CFAP57: variants seen among roughly 807,000 people sequenced by gnomAD.
CFAP57 encodes the protein cilia and flagella associated protein 57.
In CFAP57, 116 loss-of-function variants were observed where a neutral mutation model predicts 146.8. The observed-to-expected ratio is 0.79, with a 90% CI of 0.68 to 0.92. The LOEUF is 0.92. Among genes scored for constraint, CFAP57 ranks in the 40% least tolerant of loss-of-function variants. The probability of loss-of-function intolerance (pLI) is 0.00; values close to 1 mark genes in which losing one functional copy is unlikely to be tolerated. For missense variants in CFAP57, 1,377 were observed against 1,527.2 expected (o/e 0.90, Z 1.64); for synonymous variants, 518 against 552.8 (o/e 0.94, Z 0.88).
intron 2 of CFAP57, among the ~76,000 whole-genome samples, chr1:43,179,278 TATA>T (rs149860494): frequency 6.6e-6 from 1 of 151,748 alleles, no homozygotes; most frequent in Non-Finnish European, 1.5e-5. Context: ...GAACTTAAAG[TATA>T]ATAATAATAA....
chr1:43,217,275 G>A (rs1308499738), intron 12 of CFAP57, among the ~76,000 whole-genome samples: 1 of 152,132 alleles, frequency 6.6e-6, no homozygotes. Flanking sequence ...TTTAAGCTGG[G>A]GAATGACTTA....
In CFAP57 at chr1:43,242,393, C is replaced by T. The variant is rs140606757; in HGVS notation, c.3406-834C>T. On this transcript the variant is annotated intron_variant, in intron 21 of 22. Coordinates refer to ENST00000372492, the MANE Select transcript of CFAP57 (RefSeq NM_001378189.1). Reference sequence around the variant, plus strand: ...TACTCTAGGATTAACATAGTATCTCCATAATATTGGATGACTACATTATAG... The same window carrying T: ...TACTCTAGGATTAACATAGTATCTCTATAATATTGGATGACTACATTATAG... Among the ~76,000 whole-genome samples, 412 of 152,310 alleles carry T rather than the reference C, an allele frequency of 2.7e-3. 2 individuals are homozygous for T. Among genetic ancestry groups the T allele is most frequent in the Non-Finnish European group, 5.2e-3 (354 of 68,024 alleles).
rs376324925 is a variant in CFAP57 at position 43,183,838 on chromosome 1, A to T, written c.722A>T (p.Asn241Ile). 2 of 1,614,064 alleles carry T rather than the reference A, an allele frequency of 1.2e-6. No homozygotes were observed. The highest frequency in any genetic ancestry group is 1.7e-5 in the Admixed American group (1 of 60,002). ...AGCATAATGGTCAAGGAACCTACCA[A>T]TGGCTCAAAGAGCCTGGATGTCATT... ...ETSIMVKEPT[N>I]GSKSLDVIQE... Residue 241 changes from asparagine to isoleucine, a missense_variant, in exon 4 of 23, where the codon AAT becomes ATT. Transcript: ENST00000372492.
Position 43,224,084 on chromosome 1 carries a change from T to C in CFAP57, c.2745T>C (p.Asn915=). The part of the protein sequence containing the change: ...SLQKEIEERT[N]DIETLKGEQM... ...AGAAGGAGATTGAAGAACGAACCAA[T>C]GACATCGAGACCCTAAAAGGAGAGC... The change falls in exon 17 of 23, where the codon AAT becomes AAC. Residue 915 remains asparagine (N), a synonymous_variant. Coordinates refer to ENST00000372492, the MANE Select transcript of CFAP57 (RefSeq NM_001378189.1). The C allele has an allele frequency of 6.4e-7, 1 of 1,550,502 alleles. No individual in the cohort carries two copies. Among genetic ancestry groups the C allele is most frequent in the South Asian group, 1.2e-5 (1 of 84,050 alleles).
At position 43,221,413 on chromosome 1, in the gene CFAP57, T is replaced by G. The variant is rs1159042234; in HGVS notation, c.2289T>G (p.His763Gln). 6.5e-7 allele frequency: 1 copy of G among 1,544,726 alleles called. No individual in the cohort carries two copies. Among genetic ancestry groups the G allele is most frequent in the Non-Finnish European group, 8.7e-7 (1 of 1,143,726 alleles). The change falls in exon 14 of 23, where the codon CAT becomes CAG. Residue 763 changes from histidine (H) to glutamine (Q), a missense_variant. By Grantham distance (24) the His-to-Gln change is conservative (BLOSUM62 0). Transcript: ENST00000372492. ...TEKEKQDVYH[H>Q]EHIEDLLDKQ... ...AAGAGAAGCAGGATGTTTATCACCA[T>G]GAGCACATAGAAGACCTCCTAGACA...
At chr1:43,199,932 A>C (rs1347917620) in intron 9 of CFAP57, among the ~76,000 whole-genome samples, 1 of 152,192 alleles carries the variant, frequency 6.6e-6, no homozygotes, top group East Asian at 1.9e-4. Context: ...AGATGGGCTG[A>C]GATTGGAGAG....
chr1:43,183,528 G>C, intron 3 of CFAP57, 63 bp from the exon 4 acceptor site: 1 of 1,430,808 alleles, frequency 7.0e-7, no homozygotes, highest in Admixed American at 1.7e-5. Context: ...TTGTAAAATG[G>C]GAAATAATTC....
intron 9 of CFAP57, among the ~76,000 whole-genome samples, chr1:43,203,803 T>C (rs1030172224): frequency 4.6e-5 from 7 of 152,222 alleles, no homozygotes; most frequent in African/African-American, 1.4e-4. Context: ...ATTTTGTTTT[T>C]GATGTGTCTG....
At chr1:43,226,852 G>A (rs1054078711) in intron 17 of CFAP57, 131 bp from the exon 18 acceptor site, 1 of 1,024,680 alleles carries the variant, frequency 9.8e-7, no homozygotes, top group African/African-American at 1.6e-5. Context: ...TACTGACGAA[G>A]GGAGGAGAGG....
intron 18 of CFAP57, among the ~76,000 whole-genome samples, chr1:43,227,427 G>A (rs1304209935): frequency 3.9e-5 from 6 of 152,198 alleles, no homozygotes; most frequent in Non-Finnish European, 1.5e-5. Context: ...TGCAGCTATT[G>A]GGCATTTGGC....
At chr1:43,232,372 G>C (rs1645506773) in intron 18 of CFAP57, 136 bp from the exon 19 acceptor site, 1 of 678,254 alleles carries the variant, frequency 1.5e-6, no homozygotes, top group African/African-American at 1.8e-5. Context: ...TTTTGATCCA[G>C]AGGACACAGA....
At chr1:43,183,141 T>C (rs1427486361) in intron 3 of CFAP57, among the ~76,000 whole-genome samples, 1 of 152,212 alleles carries the variant, frequency 6.6e-6, no homozygotes, top group Non-Finnish European at 1.5e-5. Flanking sequence ...CATGATCCCA[T>C]TGTAAGTAGA....
At chr1:43,237,789 G>A (rs983289063) in intron 21 of CFAP57, among the ~76,000 whole-genome samples, 1 of 152,144 alleles carries the variant, frequency 6.6e-6, no homozygotes, top group African/African-American at 2.4e-5. Context: ...GGTGGCTGAG[G>A]GTCATGTTGG....
At chr1:43,175,706 A>G (rs780704854) in intron 2 of CFAP57, among the ~76,000 whole-genome samples, 32 of 151,686 alleles carry the variant, frequency 2.1e-4, no homozygotes, top group Middle Eastern at 6.9e-3. Context: ...GGGTCTGGCT[A>G]TGTTGCTGAG....
rs1045919077 is a variant in CFAP57, at chr1:43,238,796, T to C, written c.3405+4158T>C. Among the ~76,000 whole-genome samples the C allele has an allele frequency of 6.6e-6, 1 of 151,956 alleles. No homozygotes were observed. The highest frequency in any genetic ancestry group is 2.4e-5 in the African/African-American group (1 of 41,360). ...GGGGACAGCAGAGCCTGGAAAGCAGTAGTCACGGAGGAGCAGGGCTCTCTG... is the reference window on the plus strand; with the variant it reads ...GGGGACAGCAGAGCCTGGAAAGCAGCAGTCACGGAGGAGCAGGGCTCTCTG... On this transcript the variant is annotated intron_variant, in intron 21 of 22. Coordinates refer to ENST00000372492, the MANE Select transcript of CFAP57 (RefSeq NM_001378189.1). This position sits in a 1 kb window ranked among gnomAD's most constrained non-coding sequence, Gnocchi z 4.3.
intron 6 of CFAP57, chr1:43,196,596 T>C (rs1402587810): frequency 6.6e-6 from 1 of 152,656 alleles, no homozygotes; most frequent in Non-Finnish European, 1.5e-5. Flanking sequence ...GCCTTTGTCT[T>C]GGCTTGCGAA....
intron 22 of CFAP57, among the ~76,000 whole-genome samples, chr1:43,247,893 A>C (rs974427230): frequency 1.3e-5 from 2 of 152,142 alleles, no homozygotes; most frequent in East Asian, 3.9e-4. Context: ...TGGGAGGCCA[A>C]CGTGGGTGGA....
Position 43,219,437 on chromosome 1 carries a change from A to T in CFAP57, c.2147A>T (p.Glu716Val). 6.4e-7 allele frequency: 1 copy of T among 1,550,630 alleles called. No homozygotes were observed. The highest frequency in any genetic ancestry group is 8.7e-7 in the Non-Finnish European group (1 of 1,146,984). Residue 716 changes from glutamate to valine, a missense_variant, in exon 13 of 23, where the codon GAG becomes GTG. Physicochemically the swap from Glu to Val is moderately radical, Grantham distance 121 (BLOSUM62 -2). Coordinates refer to ENST00000372492, the MANE Select transcript of CFAP57 (RefSeq NM_001378189.1). ...GTGGAGGAATTAAAAATGGAGAATGAGTATCAACTCCGACTAAAGGACATG... is the reference window on the plus strand; with the variant it reads ...GTGGAGGAATTAAAAATGGAGAATGTGTATCAACTCCGACTAAAGGACATG... ...TRVEELKMEN[E>V]YQLRLKDMNY...
intron 22 of CFAP57, among the ~76,000 whole-genome samples, chr1:43,245,254 A>AGGTT (rs1646072152): frequency 6.6e-6 from 1 of 151,260 alleles, no homozygotes; most frequent in Non-Finnish European, 1.5e-5. Flanking sequence ...TGAACCTCAG[A>AGGTT]GGTTCAAGGC....
Sources: allele counts gnomAD v4.1 joint callset (sites outside exome capture counted in the v4.1 genomes callset), GRCh38; gene constraint gnomAD v4.1.1; non-coding constraint Gnocchi (gnomAD v3.1); transcripts MANE v1.5; gene names NCBI Gene and HGNC (gene_info 2026-07-23, HGNC 2026-07-21).